JARID2: variants seen among roughly 807,000 people sequenced by gnomAD.
The protein encoded by JARID2 is protein Jumonji.
In JARID2, 21 loss-of-function variants were observed where a neutral mutation model predicts 125.6. The observed-to-expected ratio is 0.17, with a 90% CI of 0.12 to 0.24. The LOEUF is 0.24. JARID2 is among the 10% of genes least tolerant of loss of function. The probability of loss-of-function intolerance (pLI) is 1.00; values close to 1 mark genes in which losing one functional copy is unlikely to be tolerated. For synonymous variants in JARID2, 736 were observed against 661.6 expected (o/e 1.11, Z -1.73); for missense variants, 1,303 against 1,639.6 (o/e 0.79, Z 3.55).
intron 1 of JARID2, among the ~76,000 whole-genome samples, chr6:15,274,005 T>G (rs1164906081): frequency 3.3e-5 from 5 of 151,946 alleles, no homozygotes; most frequent in Non-Finnish European, 5.9e-5. Context: ...CTCAGCTCAC[T>G]GTGGCCTCTG....
At position 15,331,291 on chromosome 6, in the gene JARID2, AC is replaced by A. The variant is rs573222939; in HGVS notation, c.46-42824del. 4.6e-3 allele frequency among the ~76,000 whole-genome samples: 693 copies of A among 152,038 alleles called. 6 individuals are homozygous for A. Among genetic ancestry groups the A allele is most frequent in the African/African-American group, 0.016 (664 of 41,406 alleles). On this transcript the variant is annotated intron_variant, in intron 1 of 17. Transcript: ENST00000341776. ...CAAGGCTATAATGAGTCATGATTGCACCACTGCACTCCAGCCTGGGTGGCAG... is the reference window on the plus strand; with the variant it reads ...CAAGGCTATAATGAGTCATGATTGCACACTGCACTCCAGCCTGGGTGGCAG...
intron 3 of JARID2, among the ~76,000 whole-genome samples, chr6:15,417,113 A>G (rs1308452567): frequency 6.6e-6 from 1 of 152,194 alleles, no homozygotes; most frequent in African/African-American, 2.4e-5. Context: ...GGCGACTAAA[A>G]TAGAGAGCAA....
intron 6 of JARID2, among the ~76,000 whole-genome samples, chr6:15,494,411 G>GTTTTTTT (rs1169733078): frequency 1.1e-3 from 37 of 32,336 alleles, no homozygotes; most frequent in Admixed American, 2.6e-3. Flanking sequence ...TTTTTGGCAA[G>GTTTTTTT]TCTTTTTTTT....
chr6:15,291,787 A>G (rs932464626), intron 1 of JARID2, among the ~76,000 whole-genome samples: 2 of 152,164 alleles, frequency 1.3e-5, no homozygotes, highest in Non-Finnish European at 2.9e-5. Context: ...AATGTTGTAA[A>G]TATTTTGCTG....
At chr6:15,298,719 T>G (rs1027972431) in intron 1 of JARID2, among the ~76,000 whole-genome samples, 2 of 151,874 alleles carry the variant, frequency 1.3e-5, no homozygotes, top group African/African-American at 4.8e-5. Context: ...GAGTTTCTTA[T>G]GTTTTGTTAA....
intron 1 of JARID2, among the ~76,000 whole-genome samples, chr6:15,326,218 A>C (rs1762528835): frequency 6.6e-6 from 1 of 151,982 alleles, no homozygotes; most frequent in Non-Finnish European, 1.5e-5. Context: ...AATCTCAGAC[A>C]TTTTTTTGGG....
chr6:15,516,196 G>A (rs943375580), intron 16 of JARID2, among the ~76,000 whole-genome samples: 2 of 152,160 alleles, frequency 1.3e-5, no homozygotes, highest in African/African-American at 4.8e-5. Flanking sequence ...CCTACAACGT[G>A]TTCTCTGTTC....
chr6:15,497,016 C>A lies in JARID2; in HGVS notation c.1791C>A (p.Pro597=), dbSNP rs750551741. The A allele has an allele frequency of 6.2e-7, 1 of 1,613,720 alleles. No homozygotes were observed. Among genetic ancestry groups the A allele is most frequent in the Non-Finnish European group, 8.5e-7 (1 of 1,179,886 alleles). Residue 597 remains proline, a synonymous_variant, in exon 7 of 18, where the codon CCC becomes CCA. Coordinates refer to ENST00000341776, the MANE Select transcript of JARID2 (RefSeq NM_004973.4). ...CRVIPPPDWR[P]ECKLNDEMRF... ...TGATCCCCCCTCCGGACTGGCGGCC[C>A]GAGTGCAAGCTCAACGATGAGATGC...
At chr6:15,388,262 G>A (rs1417664027) in intron 2 of JARID2, among the ~76,000 whole-genome samples, 1 of 152,038 alleles carries the variant, frequency 6.6e-6, no homozygotes, top group Non-Finnish European at 1.5e-5. Flanking sequence ...GAAATAACCT[G>A]TTATTACTTG....
At chr6:15,260,687 C>T (rs575118957) in intron 1 of JARID2, among the ~76,000 whole-genome samples, 3 of 152,218 alleles carry the variant, frequency 2.0e-5, no homozygotes, top group Non-Finnish European at 4.4e-5. Flanking sequence ...ATACTGCACG[C>T]TCTTCTGTAC....
chr6:15,393,639 T>C (rs1765108566), intron 2 of JARID2, among the ~76,000 whole-genome samples: 1 of 152,230 alleles, frequency 6.6e-6, no homozygotes, highest in Admixed American at 6.5e-5. Context: ...GTTGCAGCAC[T>C]TGGGTTATTT....
At chr6:15,506,865 G>A (rs534555975) in intron 9 of JARID2, among the ~76,000 whole-genome samples, 19 of 152,298 alleles carry the variant, frequency 1.2e-4, no homozygotes, top group African/African-American at 4.3e-4. Flanking sequence ...TCTGTGGATG[G>A]GATACTTTGG....
intron 3 of JARID2, among the ~76,000 whole-genome samples, chr6:15,428,930 A>ACCC (rs10660512): frequency 7.8e-4 from 70 of 89,852 alleles, no homozygotes; most frequent in East Asian, 1.9e-3. Flanking sequence ...AAAAAAACAA[A>ACCC]CCCCCCCCCC....
chr6:15,487,472 C>T lies in JARID2; in HGVS notation c.836C>T (p.Ser279Leu), dbSNP rs376665598. Residue 279 changes from serine to leucine, a missense_variant, in exon 6 of 18, where the codon TCG becomes TTG. This residue lies in a region of JARID2 where 651 missense variants were observed against 581.6 expected (regional missense o/e 1.12). Coordinates refer to ENST00000341776, the MANE Select transcript of JARID2 (RefSeq NM_004973.4). Reference sequence around the variant, plus strand: ...GCAGCGGCCCCCTCCACGGGTTCCTCGGCCAAGGGGCTTGCTGCCACCCAT... The same window carrying T: ...GCAGCGGCCCCCTCCACGGGTTCCTTGGCCAAGGGGCTTGCTGCCACCCAT... The part of the protein sequence containing the change: ...HPAAAPSTGS[S>L]AKGLAATHHH... The T allele has an allele frequency of 8.1e-6, 13 of 1,614,098 alleles. No homozygotes were observed. The highest frequency in any genetic ancestry group is 2.7e-5 in the African/African-American group (2 of 74,946).
At chr6:15,385,703 G>A (rs1362721086) in intron 2 of JARID2, among the ~76,000 whole-genome samples, 1 of 152,094 alleles carries the variant, frequency 6.6e-6, no homozygotes, top group Admixed American at 6.5e-5. Context: ...TGGCCCACCT[G>A]CATGCCACCC....
At chr6:15,487,155 TC>T in intron 5 of JARID2, 151 bp from the exon 6 acceptor site, 2 of 652,488 alleles carry the variant, frequency 3.1e-6, no homozygotes, top group Non-Finnish European at 5.4e-6. Flanking sequence ...GCCTCCATGA[TC>T]CAGTCACCTC....
chr6:15,450,037 TAA>T (rs1491136209), intron 3 of JARID2, among the ~76,000 whole-genome samples: 5 of 151,912 alleles, frequency 3.3e-5, no homozygotes, highest in Non-Finnish European at 7.4e-5. Flanking sequence ...TTAAATAGTA[TAA>T]TTTTTTTTTA....
chr6:15,520,002 G>A, intron 17 of JARID2, 67 bp from the exon 18 acceptor site: 2 of 1,401,522 alleles, frequency 1.4e-6, no homozygotes, highest in South Asian at 1.4e-5. Flanking sequence ...GCCCCTGCAT[G>A]GCTCTCAGGG....
At chr6:15,434,114 T>A (rs7754701) in intron 3 of JARID2, among the ~76,000 whole-genome samples, 60,836 of 151,830 alleles carry the variant, frequency 0.4, 12,419 homozygotes, top group South Asian at 0.48. Context: ...TAAGTCTGTC[T>A]CCACCCTTCA....
Sources: allele counts gnomAD v4.1 joint callset (sites outside exome capture counted in the v4.1 genomes callset), GRCh38; gene constraint gnomAD v4.1.1; regional missense constraint gnomAD v4.1.1; transcripts MANE v1.5; gene names NCBI Gene and HGNC (gene_info 2026-07-23, HGNC 2026-07-21).